PCDHGB5: variants seen among roughly 807,000 people sequenced by gnomAD.
PCDHGB5 encodes protocadherin gamma-B5.
A neutral mutation model predicts 62.9 loss-of-function variants in PCDHGB5; 48 were observed. That is an observed-to-expected ratio of 0.76 (90% CI 0.61 to 0.97). The LOEUF (loss-of-function observed/expected upper bound fraction) is 0.97, where lower values mean the gene tolerates loss of function less well. Ranked by LOEUF, PCDHGB5 falls within the 50% of genes least tolerant of loss-of-function variation. The pLI, the probability that PCDHGB5 is intolerant of heterozygous loss-of-function variation, is 0.00. For missense variants in PCDHGB5, 1,118 were observed against 1,198.6 expected (o/e 0.93, Z 0.99); for synonymous variants, 474 against 511.2 (o/e 0.93, Z 0.98).
chr5:141,435,290 A>G (rs2097756551), intron 1 of PCDHGB5, among the ~76,000 whole-genome samples: 1 of 152,158 alleles, frequency 6.6e-6, no homozygotes, highest in African/African-American at 2.4e-5. Context: ...ATCCCAAGTC[A>G]TTTCATGGTT....
At position 141,487,769 on chromosome 5, in the gene PCDHGB5, T is replaced by C. The variant is rs775270506; in HGVS notation, c.2398-7038T>C. Reference sequence around the variant, plus strand: ...TAACTATGTGGTAGACGCTGTGCTTTGTAACTGTTTCGTGAATTAACCAGA... The same window carrying C: ...TAACTATGTGGTAGACGCTGTGCTTCGTAACTGTTTCGTGAATTAACCAGA... On this transcript the variant is annotated intron_variant, in intron 1 of 3. Transcript: ENST00000617380. The surrounding 1 kb of genome is among the most constrained non-coding windows in gnomAD (Gnocchi z 5.0). 8 of 1,538,288 alleles carry C rather than the reference T, an allele frequency of 5.2e-6. No homozygotes were observed. The highest frequency in any genetic ancestry group is 1.2e-5 in the South Asian group (1 of 82,608).
In PCDHGB5 at chr5:141,441,656, CT is replaced by C. The variant is rs200391207; in HGVS notation, c.2397+41134del. 8.0e-3 allele frequency: 1,976 copies of C among 247,682 alleles called. 54 individuals carry two copies. The highest frequency in any genetic ancestry group is 0.043 in the African/African-American group (1,846 of 42,486). The allele number at this position is 247,682 out of a possible 1,614,324, so 15.3% of individuals were successfully genotyped here. A position where few individuals can be genotyped will look rare whatever the true frequency, so the allele number is the denominator to read the frequency against. On this transcript the variant is annotated intron_variant, in intron 1 of 3. Coordinates refer to ENST00000617380, the MANE Select transcript of PCDHGB5 (RefSeq NM_018925.3). ...CACAGGCGCTGTGATTCTAGGTGTC[CT>C]TGAGCGCACAGTGCGCCTTCGACCA...
At position 141,400,003 on chromosome 5, in the gene PCDHGB5, C is replaced by T; in HGVS notation, c.1876C>T (p.Arg626Cys). 5 of 1,612,396 alleles carry T rather than the reference C, an allele frequency of 3.1e-6. No homozygotes were observed. Among genetic ancestry groups the T allele is most frequent in the Non-Finnish European group, 4.2e-6 (5 of 1,179,628 alleles). The change falls in exon 1 of 4, where the codon CGT becomes TGT. Residue 626 changes from arginine to cysteine, a missense_variant. Arg to Cys is a radical substitution (Grantham distance 180, BLOSUM62 -3). Coordinates refer to ENST00000617380, the MANE Select transcript of PCDHGB5 (RefSeq NM_018925.3). Reference sequence around the variant, plus strand: ...GCGCACAGGAGAGGTGCGCACAGCGCGTGCCTTGGGCGACAGGGACGCGGC... The same window carrying T: ...GCGCACAGGAGAGGTGCGCACAGCGTGTGCCTTGGGCGACAGGGACGCGGC... ...GLRTGEVRTA[R>C]ALGDRDAARQ...
chr5:141,407,807 T>C (rs916388568), intron 1 of PCDHGB5, among the ~76,000 whole-genome samples: 1 of 152,202 alleles, frequency 6.6e-6, no homozygotes, highest in African/African-American at 2.4e-5. Flanking sequence ...CATAGAAATA[T>C]CTACTATAAT....
intron 3 of PCDHGB5, among the ~76,000 whole-genome samples, chr5:141,506,866 T>C (rs1182560001): frequency 2.6e-5 from 4 of 152,104 alleles, no homozygotes; most frequent in Admixed American, 2.6e-4. Context: ...GACTGGTGGG[T>C]AGAGAACCAG....
chr5:141,427,711 A>G, intron 1 of PCDHGB5: 1 of 1,036,496 alleles, frequency 9.6e-7, no homozygotes. Context: ...AGCGCCTCTG[A>G]CCTGGACCTA....
At chr5:141,403,945 A>C in intron 1 of PCDHGB5, 3 of 1,613,926 alleles carry the variant, frequency 1.9e-6, no homozygotes, top group Non-Finnish European at 2.5e-6. Flanking sequence ...AAGGGTGGAC[A>C]AAAGTGCTCA....
chr5:141,485,993 A>C lies in PCDHGB5; in HGVS notation c.2398-8814A>C. 6.2e-7 allele frequency: 1 copy of C among 1,614,210 alleles called. No homozygotes were observed. Among genetic ancestry groups the C allele is most frequent in the Non-Finnish European group, 8.5e-7 (1 of 1,180,028 alleles). On this transcript the variant is annotated intron_variant, in intron 1 of 3. Coordinates refer to ENST00000617380, the MANE Select transcript of PCDHGB5 (RefSeq NM_018925.3). The surrounding 1 kb of genome is among the most constrained non-coding windows in gnomAD (Gnocchi z 5.7). ...TGCCTCAGACCCGGACCTGGGTCCC[A>C]GTGGTAACGTCACCTTTTATTTCAG...
intron 1 of PCDHGB5, chr5:141,409,242 T>C (rs372196346): frequency 1.4e-5 from 22 of 1,613,864 alleles, no homozygotes; most frequent in Middle Eastern, 1.6e-4. Context: ...AGCCCAGAAA[T>C]AATCATCACT....
chr5:141,446,260 TA>T (rs1207497940), intron 1 of PCDHGB5, among the ~76,000 whole-genome samples: 4 of 152,130 alleles, frequency 2.6e-5, no homozygotes, highest in Non-Finnish European at 4.4e-5. Context: ...GAAATATTAT[TA>T]ACTGAATAAA....
chr5:141,421,255 C>T lies in PCDHGB5; in HGVS notation c.2397+20731C>T, dbSNP rs759899934. On this transcript the variant is annotated intron_variant, in intron 1 of 3. Coordinates refer to ENST00000617380, the MANE Select transcript of PCDHGB5 (RefSeq NM_018925.3). ...GGCGAATCGGCTACAGCGCGGGGAC[C>T]GCAGTCGGCTGCTGCTGCTGCTGTG... 5.2e-5 allele frequency: 84 copies of T among 1,607,644 alleles called. No individual in the cohort carries two copies. Among genetic ancestry groups the T allele is most frequent in the Non-Finnish European group, 6.8e-5 (80 of 1,177,916 alleles).
chr5:141,424,082 C>T (rs2096798510), intron 1 of PCDHGB5: 2 of 957,226 alleles, frequency 2.1e-6, no homozygotes, highest in East Asian at 1.1e-4. Flanking sequence ...TTATATTCCA[C>T]CATTATTTGC....
intron 1 of PCDHGB5, chr5:141,430,664 C>G (rs2154553866): frequency 8.3e-7 from 1 of 1,209,890 alleles, no homozygotes; most frequent in East Asian, 2.6e-5. Context: ...CGGAGGAGCT[C>G]TGACTTCCCA....
At chr5:141,421,535 G>GT (rs975619932) in intron 1 of PCDHGB5, 8 of 1,614,032 alleles carry the variant, frequency 5.0e-6, no homozygotes, top group Non-Finnish European at 6.8e-6. Flanking sequence ...GTGTCCTCCT[G>GT]TTTTTTAAAT....
At chr5:141,467,131 C>A (rs1441537783) in intron 1 of PCDHGB5, among the ~76,000 whole-genome samples, 1 of 151,702 alleles carries the variant, frequency 6.6e-6, no homozygotes, top group African/African-American at 2.4e-5. Flanking sequence ...CAGCTCACTG[C>A]AACCTCTGCC....
Position 141,493,760 on chromosome 5 carries a change from G to C in PCDHGB5, c.2398-1047G>C, listed in dbSNP as rs1268832909. On this transcript the variant is annotated intron_variant, in intron 1 of 3. Coordinates refer to ENST00000617380, the MANE Select transcript of PCDHGB5 (RefSeq NM_018925.3). The surrounding 1 kb of genome is among the most constrained non-coding windows in gnomAD (Gnocchi z 4.3). ...ACTGCCACCTGTGAGCCTTGAGTGA[G>C]CCACTGGCAGTTCCGGAGCTTCCTT... Among the ~76,000 whole-genome samples, 1 of 152,166 alleles carries C rather than the reference G, an allele frequency of 6.6e-6. No individual in the cohort carries two copies. The highest frequency in any genetic ancestry group is 1.5e-5 in the Non-Finnish European group (1 of 68,022).
chr5:141,408,634 A>C, intron 1 of PCDHGB5: 2 of 1,614,040 alleles, frequency 1.2e-6, no homozygotes, highest in South Asian at 2.2e-5. Flanking sequence ...AAATTTTCGA[A>C]TCTGCATCCG....
rs1391608601 is a variant in PCDHGB5 at position 141,511,893 on chromosome 5, A to G, written c.*720A>G. The G allele has an allele frequency of 6.4e-6, 1 of 155,062 alleles. No homozygotes were observed. Among genetic ancestry groups the G allele is most frequent in the East Asian group, 1.9e-4 (1 of 5,240 alleles). 9.6% of individuals were successfully genotyped at this position (155,062 alleles called of 1,614,324 possible). A position where few individuals can be genotyped will look rare whatever the true frequency, so the allele number is the denominator to read the frequency against. On this transcript the variant is annotated 3_prime_UTR_variant, in exon 4 of 4. Transcript: ENST00000617380. ...TCCACTGCATGCCTTGACTTCCCCC[A>G]CCTCCTCCTCAAACAAGAGACTCCA...
At chr5:141,461,190 T>C (rs2099010725) in intron 1 of PCDHGB5, among the ~76,000 whole-genome samples, 1 of 152,142 alleles carries the variant, frequency 6.6e-6, no homozygotes, top group Non-Finnish European at 1.5e-5. Context: ...TAGATCTGTT[T>C]TTTGCTCTTT....
Sources: allele counts gnomAD v4.1 joint callset (sites outside exome capture counted in the v4.1 genomes callset), GRCh38; gene constraint gnomAD v4.1.1; non-coding constraint Gnocchi (gnomAD v3.1); transcripts MANE v1.5; gene names NCBI Gene and HGNC (gene_info 2026-07-23, HGNC 2026-07-21).